PTPRT: variants seen among roughly 807,000 people sequenced by gnomAD.
PTPRT encodes the protein receptor-type tyrosine-protein phosphatase T.
PTPRT carries 56 observed loss-of-function variants against 176.8 expected under a neutral mutation model. The ratio of observed to expected loss-of-function variants is 0.32; its 90% CI spans 0.26 to 0.40. The LOEUF is 0.40. PTPRT is among the 10% of genes least tolerant of loss of function. The pLI, the probability that PTPRT is intolerant of heterozygous loss-of-function variation, is 1.00. For missense variants in PTPRT, 1,540 were observed against 1,908.2 expected (o/e 0.81, Z 3.60); for synonymous variants, 783 against 739.0 (o/e 1.06, Z -0.96).
chr20:42,085,435 A>G (rs1983790177), intron 28 of PTPRT, among the ~76,000 whole-genome samples: 1 of 152,210 alleles, frequency 6.6e-6, no homozygotes, highest in South Asian at 2.1e-4. Flanking sequence ...AACTCATGCC[A>G]GTACAGAGAC....
At chr20:42,222,299 A>G (rs2055903620) in intron 15 of PTPRT, among the ~76,000 whole-genome samples, 1 of 152,154 alleles carries the variant, frequency 6.6e-6, no homozygotes, top group African/African-American at 2.4e-5. Context: ...CATTGGAGTG[A>G]CTCAAAGATT....
intron 6 of PTPRT, among the ~76,000 whole-genome samples, chr20:42,721,509 G>C (rs755010042): frequency 4.5e-4 from 68 of 152,320 alleles, no homozygotes; most frequent in Non-Finnish European, 8.2e-4. Context: ...GGGAGCAGTC[G>C]GGCTGGCCCT....
At chr20:42,584,342 G>T (rs1386082537) in intron 7 of PTPRT, among the ~76,000 whole-genome samples, 1 of 152,058 alleles carries the variant, frequency 6.6e-6, no homozygotes, top group Non-Finnish European at 1.5e-5. Context: ...ACCTGCTCCA[G>T]CCCCACTGGC....
chr20:42,537,559 A>G (rs911627067), intron 7 of PTPRT, among the ~76,000 whole-genome samples: 4 of 152,164 alleles, frequency 2.6e-5, no homozygotes, highest in Non-Finnish European at 4.4e-5. Context: ...GTTTGGCTTA[A>G]GTGACTTGCT....
chr20:42,733,320 C>A (rs75230273), intron 6 of PTPRT, among the ~76,000 whole-genome samples: 2 of 152,170 alleles, frequency 1.3e-5, no homozygotes, highest in African/African-American at 2.4e-5. Flanking sequence ...TTCTGAAACA[C>A]GGGCTCATTT....
intron 7 of PTPRT, among the ~76,000 whole-genome samples, chr20:42,626,418 G>A (rs1183212507): frequency 6.6e-6 from 1 of 152,146 alleles, no homozygotes. Flanking sequence ...ACTGGCCACA[G>A]GATGTCTGCC....
At chr20:43,102,537 C>G (rs2012437375) in intron 1 of PTPRT, among the ~76,000 whole-genome samples, 1 of 152,218 alleles carries the variant, frequency 6.6e-6, no homozygotes. Context: ...CCGCCCACCT[C>G]CCTTTGGTGC....
intron 1 of PTPRT, among the ~76,000 whole-genome samples, chr20:42,911,349 T>C (rs1978367453): frequency 1.3e-5 from 2 of 152,130 alleles, no homozygotes; most frequent in Admixed American, 1.3e-4. Context: ...AAATATATAC[T>C]AGCTATTATT....
chr20:42,858,052 G>C (rs1300031835), intron 2 of PTPRT, among the ~76,000 whole-genome samples: 1 of 152,182 alleles, frequency 6.6e-6, no homozygotes, highest in Non-Finnish European at 1.5e-5. Flanking sequence ...CAGGCCCTCA[G>C]TACATGTTTG....
intron 7 of PTPRT, among the ~76,000 whole-genome samples, chr20:42,571,562 A>C (rs773180285): frequency 2.0e-5 from 3 of 152,196 alleles, no homozygotes; most frequent in Non-Finnish European, 4.4e-5. Flanking sequence ...AGCAAGAGAA[A>C]ACTAATCCAA....
intron 1 of PTPRT, among the ~76,000 whole-genome samples, chr20:42,895,432 G>A (rs547004161): frequency 3.9e-5 from 6 of 152,212 alleles, no homozygotes; most frequent in Non-Finnish European, 5.9e-5. Context: ...GGGAGACATC[G>A]CAAAATTCCT....
chr20:43,164,712 A>G, intron 1 of PTPRT, among the ~76,000 whole-genome samples: 1 of 152,260 alleles, frequency 6.6e-6, no homozygotes, highest in East Asian at 1.9e-4. Context: ...CCATTGCATG[A>G]AAGCAACCAT....
At chr20:42,459,505 GT>G (rs1365876244) in intron 8 of PTPRT, among the ~76,000 whole-genome samples, 1 of 152,170 alleles carries the variant, frequency 6.6e-6, no homozygotes, top group Non-Finnish European at 1.5e-5. Context: ...ATAATCTGGG[GT>G]GCAGAGCACA....
chr20:42,201,981 G>C (rs1278421162), intron 15 of PTPRT, among the ~76,000 whole-genome samples: 1 of 151,716 alleles, frequency 6.6e-6, no homozygotes, highest in Non-Finnish European at 1.5e-5. Flanking sequence ...GTGTGTGTAT[G>C]TATGTGTGGA....
At chr20:43,028,545 T>A (rs1330053270) in intron 1 of PTPRT, among the ~76,000 whole-genome samples, 6 of 152,248 alleles carry the variant, frequency 3.9e-5, no homozygotes, top group Admixed American at 3.9e-4. Flanking sequence ...TAAAATGACA[T>A]AAGCACTTTG....
chr20:42,518,802 C>G (rs1426814861), intron 7 of PTPRT, among the ~76,000 whole-genome samples: 2 of 151,938 alleles, frequency 1.3e-5, no homozygotes, highest in Non-Finnish European at 2.9e-5. Context: ...GCTTGAAAAA[C>G]TAGCTTAATA....
At chr20:42,729,553 G>A (rs1309803209) in intron 6 of PTPRT, among the ~76,000 whole-genome samples, 2 of 152,176 alleles carry the variant, frequency 1.3e-5, no homozygotes, top group African/African-American at 2.4e-5. Context: ...ACGGGACTGG[G>A]GTGACATGAC....
rs112695418 is a variant in PTPRT, at chr20:42,156,033, G to A, written c.2682+5319C>T. ...CTCCCTCCATGCTTCCTCCCAAACC[G>A]TTTCTGGTTCCCCTCACTCAACCTG... On this transcript the variant is annotated intron_variant, in intron 17 of 30. Coordinates refer to ENST00000373187, the MANE Select transcript of PTPRT (RefSeq NM_007050.6). Among the ~76,000 whole-genome samples the A allele has an allele frequency of 9.2e-5, 14 of 152,078 alleles. No homozygotes were observed. In the East Asian group the frequency reaches 9.6e-4, roughly 10 times the overall value.
chr20:42,973,503 G>A (rs912729318), intron 1 of PTPRT, among the ~76,000 whole-genome samples: 1 of 152,000 alleles, frequency 6.6e-6, no homozygotes, highest in Admixed American at 6.6e-5. Flanking sequence ...TCTCCTCCCT[G>A]TAGATTATCT....
Sources: allele counts gnomAD v4.1 joint callset (sites outside exome capture counted in the v4.1 genomes callset), GRCh38; gene constraint gnomAD v4.1.1; transcripts MANE v1.5; gene names NCBI Gene and HGNC (gene_info 2026-07-23, HGNC 2026-07-21).